PLEKHM3: variants seen among roughly 807,000 people sequenced by gnomAD.
PLEKHM3 encodes the protein pleckstrin homology domain-containing family M member 3.
PLEKHM3 carries 45 observed loss-of-function variants against 81.8 expected under a neutral mutation model. The observed-to-expected ratio is 0.55, with a 90% CI of 0.43 to 0.71. PLEKHM3 has a LOEUF of 0.71. PLEKHM3 is among the 30% of genes least tolerant of loss of function. PLEKHM3 has a pLI of 0.00. For synonymous variants in PLEKHM3, 352 were observed against 356.4 expected (o/e 0.99, Z 0.14); for missense variants, 788 against 924.3 (o/e 0.85, Z 1.91).
chr2:207,925,390 C>T (rs925754652), intron 5 of PLEKHM3, among the ~76,000 whole-genome samples: 1 of 152,126 alleles, frequency 6.6e-6, no homozygotes, highest in African/African-American at 2.4e-5. Context: ...TTCCTTTTGC[C>T]TCTTCTCCCC....
intron 3 of PLEKHM3, among the ~76,000 whole-genome samples, chr2:207,947,038 G>A (rs1261183004): frequency 6.6e-6 from 1 of 152,192 alleles, no homozygotes; most frequent in Non-Finnish European, 1.5e-5. Context: ...TAAATTGGAT[G>A]CTAAAATAAT....
chr2:207,834,562 A>G (rs2092307359), intron 7 of PLEKHM3, among the ~76,000 whole-genome samples: 1 of 151,380 alleles, frequency 6.6e-6, no homozygotes, highest in South Asian at 2.1e-4. Context: ...ACTAGCTGGG[A>G]TTACAGGCAT....
chr2:207,899,284 G>A (rs1408334973), intron 6 of PLEKHM3, among the ~76,000 whole-genome samples: 1 of 152,182 alleles, frequency 6.6e-6, no homozygotes, highest in Non-Finnish European at 1.5e-5. Flanking sequence ...ACCAACTGTG[G>A]GTGTGGTGGG....
rs964377627 is a variant in PLEKHM3 at position 207,824,608 on chromosome 2, T to C, written c.*3711A>G. ...TTTATGGACGGCCTTTTCTAGCCAA[T>C]GGGTAGAGAACAAACTCCCAGGTTT... On this transcript the variant is annotated 3_prime_UTR_variant, in exon 8 of 8. Transcript: ENST00000427836. 6.6e-6 allele frequency: 1 copy of C among 152,210 alleles called. No individual in the cohort carries two copies. The highest frequency in any genetic ancestry group is 1.5e-5 in the Non-Finnish European group (1 of 68,052). 9.4% of individuals were successfully genotyped at this position (152,210 alleles called of 1,614,324 possible).
At chr2:207,931,263 A>C in intron 4 of PLEKHM3, 144 bp from the exon 5 acceptor site, 1 of 816,118 alleles carries the variant, frequency 1.2e-6, no homozygotes, top group Non-Finnish European at 1.9e-6. Flanking sequence ...GTTGAATTAA[A>C]TGTAAATTTT....
chr2:207,975,452 A>C (rs1474577776), intron 3 of PLEKHM3, among the ~76,000 whole-genome samples: 1 of 152,112 alleles, frequency 6.6e-6, no homozygotes, highest in Admixed American at 6.5e-5. Flanking sequence ...AAACCTTCCA[A>C]ATCAGATTTC....
At chr2:207,989,805 A>G (rs1442885680) in intron 2 of PLEKHM3, among the ~76,000 whole-genome samples, 2 of 152,232 alleles carry the variant, frequency 1.3e-5, no homozygotes, top group Non-Finnish European at 2.9e-5. Context: ...TGGAGGATGC[A>G]ACTTAGTTGC....
chr2:207,877,439 C>T (rs1052164974), intron 6 of PLEKHM3, among the ~76,000 whole-genome samples: 2 of 152,166 alleles, frequency 1.3e-5, no homozygotes, highest in African/African-American at 2.4e-5. Context: ...AACCATCCAC[C>T]GGGGCAGAAT....
At chr2:207,923,880 C>CACACACAT (rs1319162543) in intron 5 of PLEKHM3, among the ~76,000 whole-genome samples, 66 of 56,770 alleles carry the variant, frequency 1.2e-3, no homozygotes, top group Non-Finnish European at 1.8e-3. Context: ...CACACACACA[C>CACACACAT]ATATATATAT....
intron 6 of PLEKHM3, among the ~76,000 whole-genome samples, chr2:207,904,982 T>A (rs1688556179): frequency 2.0e-5 from 3 of 152,196 alleles, no homozygotes. Context: ...AAATTATAAA[T>A]CTCCTTTCAC....
chr2:207,958,958 G>A (rs1041273315), intron 3 of PLEKHM3, among the ~76,000 whole-genome samples: 2 of 151,892 alleles, frequency 1.3e-5, no homozygotes, highest in Non-Finnish European at 2.9e-5. Context: ...CTATCTTACT[G>A]GAATGTTTCT....
intron 6 of PLEKHM3, among the ~76,000 whole-genome samples, chr2:207,865,866 C>G (rs1330831586): frequency 8.9e-6 from 1 of 111,956 alleles, no homozygotes; most frequent in Non-Finnish European, 1.7e-5. Flanking sequence ...TTTGCCTATT[C>G]TGGAGCTTTC....
At chr2:207,840,156 A>T (rs2092341996) in intron 7 of PLEKHM3, among the ~76,000 whole-genome samples, 1 of 152,198 alleles carries the variant, frequency 6.6e-6, no homozygotes, top group African/African-American at 2.4e-5. Context: ...GACTTTGCAA[A>T]ACGAAAATAG....
chr2:207,861,183 C>T lies in PLEKHM3; in HGVS notation c.2030G>A (p.Cys677Tyr). The change falls in exon 7 of 8, where the codon TGT (cysteine) becomes TAT (tyrosine). Residue 677 changes from cysteine to tyrosine, a missense_variant. Physicochemically the swap from Cys to Tyr is radical, Grantham distance 194. Transcript: ENST00000427836. ...TTCACAGATGAACCCCTTCTGGCTA[C>T]AAAGACTGCAGCTGTACACGTGTGA... ...ATSHVYSCSL[C>Y]SQKGFICEIC... is the part of the protein sequence containing the mutation. The T allele has an allele frequency of 6.2e-7, 1 of 1,614,132 alleles. No individual in the cohort carries two copies. Among genetic ancestry groups the T allele is most frequent in the South Asian group, 1.1e-5 (1 of 91,078 alleles).
chr2:207,946,350 T>A lies in PLEKHM3; in HGVS notation c.1692+17A>T. On this transcript the variant is annotated intron_variant, in intron 4 of 7. Coordinates refer to ENST00000427836, the MANE Select transcript of PLEKHM3 (RefSeq NM_001080475.3). ...CCTGAATTATTATTATTAAGTGAAC[T>A]GAGTTTTTGTACCTACCTTATACTT... 6.2e-7 allele frequency: 1 copy of A among 1,605,884 alleles called. No individual in the cohort carries two copies. The highest frequency in any genetic ancestry group is 8.5e-7 in the Non-Finnish European group (1 of 1,174,248).
chr2:208,010,407 C>G (rs1249468116), intron 1 of PLEKHM3, among the ~76,000 whole-genome samples: 1 of 152,204 alleles, frequency 6.6e-6, no homozygotes, highest in African/African-American at 2.4e-5. Flanking sequence ...AGAAACAAAG[C>G]AGGAAGACAC....
intron 5 of PLEKHM3, among the ~76,000 whole-genome samples, chr2:207,912,800 G>A (rs995551931): frequency 6.6e-6 from 1 of 152,136 alleles, no homozygotes; most frequent in Non-Finnish European, 1.5e-5. Context: ...GGGTTTCCAA[G>A]GCAGGGCCAG....
At chr2:207,913,677 A>G (rs1688884711) in intron 5 of PLEKHM3, among the ~76,000 whole-genome samples, 1 of 152,078 alleles carries the variant, frequency 6.6e-6, no homozygotes, top group Admixed American at 6.5e-5. Context: ...AAAGAAAAGG[A>G]GGGAAATTGG....
intron 7 of PLEKHM3, among the ~76,000 whole-genome samples, chr2:207,841,272 C>G (rs2092349956): frequency 6.7e-6 from 1 of 150,264 alleles, no homozygotes; most frequent in South Asian, 2.1e-4. Context: ...CAAGACCAGC[C>G]TGACCAACAT....
Sources: allele counts gnomAD v4.1 joint callset (sites outside exome capture counted in the v4.1 genomes callset), GRCh38; gene constraint gnomAD v4.1.1; transcripts MANE v1.5; gene names NCBI Gene and HGNC (gene_info 2026-07-23, HGNC 2026-07-21).